SMCO2: variants seen among roughly 807,000 people sequenced by gnomAD.
The protein encoded by SMCO2 is single-pass membrane protein with coiled-coil domains 2, also known as single-pass membrane and coiled-coil domain-containing protein 2.
SMCO2 carries 25 observed loss-of-function variants against 29.5 expected under a neutral mutation model. That is an observed-to-expected ratio of 0.85 (90% CI 0.62 to 1.18). SMCO2 has a LOEUF of 1.18. Among genes scored for constraint, SMCO2 ranks in the 50% most tolerant of loss-of-function variants. The pLI is 0.00. For synonymous variants in SMCO2, 117 were observed against 123.3 expected (o/e 0.95, Z 0.34); for missense variants, 348 against 344.5 (o/e 1.01, Z -0.08).
chr12:27,449,237 G>T, the SMCO2 span, among the ~76,000 whole-genome samples: 2 of 152,180 alleles, frequency 1.3e-5, no homozygotes, highest in African/African-American at 2.4e-5. Flanking sequence ...GGTCATCAAG[G>T]TGTTTCTTTG....
the SMCO2 span, among the ~76,000 whole-genome samples, chr12:27,435,299 C>A: frequency 6.1e-5 from 1 of 16,502 alleles, no homozygotes. Context: ...CCCCCCCCCC[C>A]CCCGGCAATT....
At chr12:27,489,772 A>G (rs1442914369) in intron 5 of SMCO2, among the ~76,000 whole-genome samples, 1 of 152,162 alleles carries the variant, frequency 6.6e-6, no homozygotes, top group African/African-American at 2.4e-5. Flanking sequence ...TGGGCTTTGG[A>G]AATTGCAAAC....
rs370716347 is a variant in SMCO2 at position 27,496,772 on chromosome 12, T to G, written c.683+917T>G. 1.2e-4 allele frequency among the ~76,000 whole-genome samples: 18 copies of G among 151,034 alleles called. 2 individuals carry two copies. The highest frequency in any genetic ancestry group is 3.5e-4 in the African/African-American group (14 of 40,554). ...TTTTTGCTGTTGAGTTGTAAAAGTT[T>G]ATGTGCACACCTTGCACATAATCCT... On this transcript the variant is annotated intron_variant, in intron 7 of 7. Coordinates refer to ENST00000298876, the Ensembl canonical transcript of SMCO2.
At chr12:27,457,139 C>G in the SMCO2 span, among the ~76,000 whole-genome samples, 1 of 151,962 alleles carries the variant, frequency 6.6e-6, no homozygotes, top group Non-Finnish European at 1.5e-5. Context: ...GTTGGCTACC[C>G]CGATCAGTTT....
the SMCO2 span, among the ~76,000 whole-genome samples, chr12:27,428,209 T>G: frequency 6.6e-6 from 1 of 152,222 alleles, no homozygotes; most frequent in Non-Finnish European, 1.5e-5. Context: ...ACAAAGGCAG[T>G]CTGGTCCCCA....
intron 4 of SMCO2, among the ~76,000 whole-genome samples, chr12:27,483,219 C>T (rs1949660600): frequency 6.6e-6 from 1 of 152,098 alleles, no homozygotes. Flanking sequence ...GATTTTCTCT[C>T]TACCTCTATA....
the SMCO2 span, among the ~76,000 whole-genome samples, chr12:27,445,943 G>C: frequency 6.7e-6 from 1 of 148,996 alleles, no homozygotes; most frequent in African/African-American, 2.5e-5. Flanking sequence ...TTGCTCTGTC[G>C]CCCAGTCTGG....
chr12:27,478,059 G>A (rs1187113796), intron 4 of SMCO2, among the ~76,000 whole-genome samples: 2 of 152,146 alleles, frequency 1.3e-5, no homozygotes, highest in Non-Finnish European at 2.9e-5. Flanking sequence ...GCTTTCATAG[G>A]GAAAGATTAG....
At position 27,494,291 on chromosome 12, in the gene SMCO2, T is replaced by C; in HGVS notation, c.451-9T>C. ...TTCATTTTACCCAGAATTGTGGATG[T>C]GTTTTTAGGTGAATACTTGTAATGA... On this transcript the variant is annotated splice_polypyrimidine_tract_variant and intron_variant, in intron 5 of 7. Coordinates refer to ENST00000298876, the Ensembl canonical transcript of SMCO2. 1 of 1,464,024 alleles carries C rather than the reference T, an allele frequency of 6.8e-7. No homozygotes were observed. The highest frequency in any genetic ancestry group is 9.1e-7 in the Non-Finnish European group (1 of 1,102,826). The allele number at this position is 1,464,024 out of a possible 1,614,324, so 90.7% of individuals were successfully genotyped here.
chr12:27,453,217 G>A, the SMCO2 span, among the ~76,000 whole-genome samples: 3 of 152,160 alleles, frequency 2.0e-5, no homozygotes, highest in Admixed American at 1.3e-4. Context: ...GACATGTTCC[G>A]TGTCAGCCCT....
At chr12:27,440,289 T>G in the SMCO2 span, among the ~76,000 whole-genome samples, 12 of 152,178 alleles carry the variant, frequency 7.9e-5, no homozygotes, top group Admixed American at 7.9e-4. Flanking sequence ...GATAAAATCT[T>G]TTAGAGAAAA....
Position 27,472,799 on chromosome 12 carries a change from T to C in SMCO2, c.158T>C (p.Val53Ala), listed in dbSNP as rs1240154464. 38 of 1,550,604 alleles carry C rather than the reference T, an allele frequency of 2.5e-5. No individual in the cohort carries two copies. The Admixed American group carries it at 7.1e-4, about 29-fold the overall frequency. The stretch of plus-strand genomic sequence containing the variant: ...AGTTTGCTAAAGGAAATTATCAAAG[T>C]GGACCACATCTTAGACAGATCGGAT... The change falls in exon 3 of 8, where the codon GTG (valine) becomes GCG (alanine). Residue 53 changes from valine (V) to alanine (A), a missense_variant. Coordinates refer to ENST00000298876, the Ensembl canonical transcript of SMCO2.
At chr12:27,480,212 C>G (rs1233150140) in intron 4 of SMCO2, among the ~76,000 whole-genome samples, 2 of 152,228 alleles carry the variant, frequency 1.3e-5, no homozygotes, top group Non-Finnish European at 2.9e-5. Context: ...TGCTTCTTCC[C>G]CTTTTCTGCC....
intron 2 of SMCO2, among the ~76,000 whole-genome samples, chr12:27,472,306 AT>A (rs1949547382): frequency 6.6e-6 from 1 of 152,202 alleles, no homozygotes; most frequent in African/African-American, 2.4e-5. Flanking sequence ...CTGCTTATTT[AT>A]GCATAGCATC....
upstream of SMCO2, among the ~76,000 whole-genome samples, chr12:27,464,871 C>A (rs1293748069): frequency 1.9e-4 from 28 of 146,760 alleles, no homozygotes; most frequent in Admixed American, 4.1e-4. Context: ...AACACACACA[C>A]AAAAAAAATT....
chr12:27,495,526 A>T (rs1942988759), intron 6 of SMCO2, among the ~76,000 whole-genome samples, 154 bp from the exon 8 acceptor site: 1 of 150,622 alleles, frequency 6.6e-6, no homozygotes, highest in Non-Finnish European at 1.5e-5. Flanking sequence ...TCTATTCAAG[A>T]TGCACCTGCC....
At chr12:27,452,348 C>G in the SMCO2 span, among the ~76,000 whole-genome samples, 36 of 152,344 alleles carry the variant, frequency 2.4e-4, no homozygotes, top group East Asian at 6.4e-3. Flanking sequence ...TCCCCTCCCA[C>G]TCCTTCACCC....
the SMCO2 span, among the ~76,000 whole-genome samples, chr12:27,459,700 A>T: frequency 6.6e-6 from 1 of 152,224 alleles, no homozygotes. Context: ...CTCCTATCCC[A>T]ATGGGGTATC....
chr12:27,468,433 G>A (rs1949515470), intron 1 of SMCO2, among the ~76,000 whole-genome samples: 2 of 152,248 alleles, frequency 1.3e-5, no homozygotes, highest in South Asian at 4.1e-4. Context: ...GCAATAAAAT[G>A]TCATTTCTAG....
Sources: allele counts gnomAD v4.1 joint callset (sites outside exome capture counted in the v4.1 genomes callset), GRCh38; gene constraint gnomAD v4.1.1; transcripts MANE v1.5; gene names NCBI Gene and HGNC (gene_info 2026-07-23, HGNC 2026-07-21).